Variants in EMX1 observed in about 807,000 individuals in gnomAD.
EMX1 encodes homeobox protein EMX1.
In EMX1, 10 loss-of-function variants were observed where a neutral mutation model predicts 20.1. The ratio of observed to expected loss-of-function variants is 0.50; its 90% CI spans 0.31 to 0.84. The LOEUF is 0.84. EMX1 is among the 40% of genes least tolerant of loss of function. The probability of loss-of-function intolerance (pLI) is 0.05; values close to 1 mark genes in which losing one functional copy is unlikely to be tolerated. For missense variants in EMX1, 424 were observed against 431.9 expected (o/e 0.98, Z 0.16); for synonymous variants, 250 against 200.4 (o/e 1.25, Z -2.09).
At chr2:72,932,767 C>A (rs1295832830) in intron 2 of EMX1, among the ~76,000 whole-genome samples, 1 of 152,182 alleles carries the variant, frequency 6.6e-6, no homozygotes, top group Non-Finnish European at 1.5e-5. Flanking sequence ...GAACCCCACC[C>A]CATACCTTGC....
At chr2:72,927,231 C>T (rs543544009) in intron 2 of EMX1, among the ~76,000 whole-genome samples, 3 of 152,180 alleles carry the variant, frequency 2.0e-5, no homozygotes, top group Non-Finnish European at 4.4e-5. Context: ...GTGTTTCCAC[C>T]ATTCATCTCA....
chr2:72,916,592 C>A, upstream of EMX1: 2 of 653,952 alleles, frequency 3.1e-6, no homozygotes, highest in South Asian at 1.7e-5. Context: ...GGAGCAGAGT[C>A]GTCCGCGGTT....
At position 72,918,246 on chromosome 2, in the gene EMX1, C is replaced by T. The variant is rs755432277; in HGVS notation, c.394C>T (p.Pro132Ser). ...AMNHPALTVH[P>S]AHQLGASPLQ... ...GAACCACCCCGCGCTGACCGTGCATCCGGCGCACCAGCTGGGCGCCTCCCC... is the reference window on the plus strand; with the variant it reads ...GAACCACCCCGCGCTGACCGTGCATTCGGCGCACCAGCTGGGCGCCTCCCC... Residue 132 changes from proline to serine, a missense_variant, in exon 1 of 3, where the codon CCG becomes TCG. Pro to Ser is a moderately conservative substitution (Grantham distance 74). This residue lies in a region of EMX1 where 333 missense variants were observed against 296.6 expected (regional missense o/e 1.12). Transcript: ENST00000258106. 3.8e-6 allele frequency: 6 copies of T among 1,580,476 alleles called. No homozygotes were observed. The East Asian group carries it at 7.1e-5, about 19-fold the overall frequency.
At chr2:72,916,551 G>T, upstream of EMX1, 1 of 612,580 alleles carries the variant, frequency 1.6e-6, no homozygotes, top group East Asian at 2.7e-5. Flanking sequence ...CTGCCCCCGG[G>T]GAATTCGTCC....
At chr2:72,924,137 A>G in intron 1 of EMX1, 172 bp from the exon 2 acceptor site, 1 of 775,560 alleles carries the variant, frequency 1.3e-6, no homozygotes, top group Non-Finnish European at 2.1e-6. Flanking sequence ...GACTTAGGGA[A>G]GGGGCGGCAA....
chr2:72,916,823 G>A (rs1179927313), upstream of EMX1: 1 of 717,272 alleles, frequency 1.4e-6, no homozygotes, highest in Admixed American at 2.0e-5. Flanking sequence ...GAGGCCCGCC[G>A]TCCTGGTCCA....
Position 72,918,289 on chromosome 2 carries a change from C to G in EMX1, c.437C>G (p.Ser146Cys). The change falls in exon 1 of 3, where the codon TCC becomes TGC. Residue 146 changes from serine (S) to cysteine (C), a missense_variant. This residue lies in a region of EMX1 where 333 missense variants were observed against 296.6 expected (regional missense o/e 1.12). Coordinates refer to ENST00000258106, the MANE Select transcript of EMX1 (RefSeq NM_004097.3). ...GCCTCCCCGCTGCAGCCCCCGCACT[C>G]CTTCTTCGGCGCCCAGCACCGGGAC... ...LGASPLQPPH[S>C]FFGAQHRDPL... 1 of 1,575,646 alleles carries G rather than the reference C, an allele frequency of 6.3e-7. No individual in the cohort carries two copies. The highest frequency in any genetic ancestry group is 8.5e-7 in the Non-Finnish European group (1 of 1,171,590).
intron 2 of EMX1, among the ~76,000 whole-genome samples, chr2:72,928,586 C>G (rs1243915602): frequency 6.6e-6 from 1 of 152,162 alleles, no homozygotes; most frequent in Non-Finnish European, 1.5e-5. Context: ...GTCAGTGTTT[C>G]CAGCTACTCC....
chr2:72,920,396 G>A (rs770855549), intron 1 of EMX1, among the ~76,000 whole-genome samples: 1 of 152,216 alleles, frequency 6.6e-6, no homozygotes, highest in East Asian at 1.9e-4. Flanking sequence ...TGCATTTTCG[G>A]ACCCGGAAAT....
At chr2:72,924,284 G>A in intron 1 of EMX1, 25 bp from the exon 2 acceptor site, 1 of 1,555,174 alleles carries the variant, frequency 6.4e-7, no homozygotes, top group Non-Finnish European at 8.6e-7. Flanking sequence ...ACCTGCGTGT[G>A]TTGCCGTCGG....
At chr2:72,931,881 G>A (rs1671291394) in intron 2 of EMX1, among the ~76,000 whole-genome samples, 1 of 152,262 alleles carries the variant, frequency 6.6e-6, no homozygotes, top group Non-Finnish European at 1.5e-5. Context: ...AGGGCAGATG[G>A]CGCAGTGGAA....
chr2:72,918,856 A>C (rs1671047645), intron 1 of EMX1, among the ~76,000 whole-genome samples: 1 of 152,128 alleles, frequency 6.6e-6, no homozygotes, highest in Non-Finnish European at 1.5e-5. Context: ...TGGGGGAAGC[A>C]AGGGCAGCAG....
chr2:72,929,781 G>C (rs754032942), intron 2 of EMX1, among the ~76,000 whole-genome samples: 3 of 152,162 alleles, frequency 2.0e-5, no homozygotes, highest in Non-Finnish European at 4.4e-5. Context: ...TTGTTTGTTA[G>C]TTCATTTTTC....
chr2:72,927,483 C>T (rs1671223881), intron 2 of EMX1, among the ~76,000 whole-genome samples: 1 of 152,166 alleles, frequency 6.6e-6, no homozygotes, highest in African/African-American at 2.4e-5. Context: ...CAGAGCTCAC[C>T]ACACAACCCC....
rs779584501 is a variant in EMX1, at chr2:72,918,244, A to C, written c.392A>C (p.His131Pro). 38 of 1,580,814 alleles carry C rather than the reference A, an allele frequency of 2.4e-5. No homozygotes were observed. The highest frequency in any genetic ancestry group is 2.8e-5 in the Non-Finnish European group (33 of 1,173,642). Residue 131 changes from histidine to proline, a missense_variant, in exon 1 of 3, where the codon CAT becomes CCT. Physicochemically the swap from His to Pro is moderately conservative, Grantham distance 77. This residue lies in a region of EMX1 where 333 missense variants were observed against 296.6 expected (regional missense o/e 1.12). Coordinates refer to ENST00000258106, the MANE Select transcript of EMX1 (RefSeq NM_004097.3). ...EAMNHPALTV[H>P]PAHQLGASPL... ...ATGAACCACCCCGCGCTGACCGTGC[A>C]TCCGGCGCACCAGCTGGGCGCCTCC...
chr2:72,933,168 GTC>G (rs1559062272), intron 2 of EMX1: 2 of 152,342 alleles, frequency 1.3e-5, no homozygotes, highest in Admixed American at 6.5e-5. Flanking sequence ...TGAGGTTGGA[GTC>G]TCTAGCAGCG....
At chr2:72,926,089 A>G in intron 2 of EMX1, 1 of 982,862 alleles carries the variant, frequency 1.0e-6, no homozygotes, top group Non-Finnish European at 1.2e-6. Context: ...TTTAAACAGT[A>G]ATATTTATTA....
intron 2 of EMX1, among the ~76,000 whole-genome samples, chr2:72,927,136 G>A (rs1393945506): frequency 3.3e-5 from 5 of 152,112 alleles, no homozygotes; most frequent in East Asian, 1.9e-4. Context: ...TTATATTTCC[G>A]ATTTTCTATT....
intron 1 of EMX1, chr2:72,924,068 T>TC: frequency 3.3e-6 from 2 of 604,176 alleles, no homozygotes; most frequent in Non-Finnish European, 6.0e-6. Flanking sequence ...GAGCTGTTAT[T>TC]CCCCGCGTTC....
Sources: allele counts gnomAD v4.1 joint callset (sites outside exome capture counted in the v4.1 genomes callset), GRCh38; gene constraint gnomAD v4.1.1; regional missense constraint gnomAD v4.1.1; transcripts MANE v1.5; gene names NCBI Gene and HGNC (gene_info 2026-07-23, HGNC 2026-07-21).